ARFGEF1: variants seen among roughly 807,000 people sequenced by gnomAD.
The protein encoded by ARFGEF1 is ARF guanine nucleotide exchange factor 1, also known as brefeldin A-inhibited guanine nucleotide-exchange protein 1.
ARFGEF1 carries 42 observed loss-of-function variants against 231.0 expected under a neutral mutation model. The observed-to-expected ratio is 0.18, with a 90% CI of 0.14 to 0.24. The LOEUF (loss-of-function observed/expected upper bound fraction) is 0.24. Ranked by LOEUF, ARFGEF1 falls within the 10% of genes least tolerant of loss-of-function variation. The probability of loss-of-function intolerance (pLI) is 1.00; values close to 1 mark genes in which losing one functional copy is unlikely to be tolerated. For synonymous variants in ARFGEF1, 710 were observed against 732.3 expected, an observed-to-expected ratio of 0.97 and a Z score of 0.49; for missense variants, 1,345 against 2,192.0, an observed-to-expected ratio of 0.61 and a Z score of 7.72.
chr8:67,280,352 G>A (rs1340071809), intron 7 of ARFGEF1, among the ~76,000 whole-genome samples: 2 of 152,186 alleles, frequency 1.3e-5, no homozygotes, highest in Non-Finnish European at 2.9e-5. Flanking sequence ...TAGATTATTT[G>A]TTTAGTAGGT....
At chr8:67,272,457 C>T (rs561646278) in intron 9 of ARFGEF1, among the ~76,000 whole-genome samples, 105 of 151,988 alleles carry the variant, frequency 6.9e-4, no homozygotes, top group South Asian at 1.9e-3. Flanking sequence ...TGAGCCACCG[C>T]GCCTGGCCCA....
chr8:67,265,536 A>G (rs1254913836), intron 14 of ARFGEF1, among the ~76,000 whole-genome samples: 1 of 152,208 alleles, frequency 6.6e-6, no homozygotes, highest in Non-Finnish European at 1.5e-5. Flanking sequence ...GATCCGGTAC[A>G]CTAGCCAGGC....
At position 67,188,810 on chromosome 8, in the gene ARFGEF1, G is replaced by T. The variant is rs1266476873; in HGVS notation, c.560+11586C>A. On this transcript the variant is annotated intron_variant, in intron 5 of 5. Coordinates refer to the ARFGEF1 transcript ENST00000518789. The stretch of plus-strand genomic sequence containing the variant: ...CTTGCCATTGTTCCTGCACGGCTAA[G>T]TGCCCGGGTTTGTCCTAATCGAGCT... Among the ~76,000 whole-genome samples, 3 of 152,318 alleles carry T rather than the reference G, an allele frequency of 2.0e-5. No individual in the cohort carries two copies. The East Asian group carries it at 5.8e-4, about 29-fold the overall frequency.
intron 14 of ARFGEF1, among the ~76,000 whole-genome samples, chr8:67,261,272 G>A (rs1804609620): frequency 6.6e-6 from 1 of 152,234 alleles, no homozygotes; most frequent in South Asian, 2.1e-4. Flanking sequence ...TTCATAGCAA[G>A]GGAGGAGAAG....
chr8:67,190,614 T>C (rs1207422336), intron 5 of ARFGEF1: 1 of 1,473,264 alleles, frequency 6.8e-7, no homozygotes, highest in African/African-American at 1.4e-5. Flanking sequence ...TTTGAAGCAG[T>C]ATTAAGACTC....
chr8:67,285,219 T>G (rs1805703172), intron 7 of ARFGEF1, among the ~76,000 whole-genome samples: 1 of 151,810 alleles, frequency 6.6e-6, no homozygotes, highest in Admixed American at 6.6e-5. Context: ...CATCAATGGG[T>G]GCTAAAACCA....
chr8:67,175,221 C>T, downstream of ARFGEF1: 1 of 1,077,564 alleles, frequency 9.3e-7, no homozygotes, highest in Non-Finnish European at 1.4e-6. Context: ...ACTCATGTTA[C>T]TTACAGTGAA....
At chr8:67,292,817 T>C (rs1005101822) in intron 5 of ARFGEF1, among the ~76,000 whole-genome samples, 6 of 152,150 alleles carry the variant, frequency 3.9e-5, no homozygotes, top group Non-Finnish European at 8.8e-5. Context: ...ACACATCTCT[T>C]TTGGTCCTCA....
chr8:67,273,201 G>C (rs924411039), intron 9 of ARFGEF1, among the ~76,000 whole-genome samples: 1 of 152,012 alleles, frequency 6.6e-6, no homozygotes, highest in Admixed American at 6.6e-5. Context: ...TGAAAAAGTA[G>C]TTTTTGGCTT....
At chr8:67,339,795 CGGGG>C (rs746222432) in intron 1 of ARFGEF1, among the ~76,000 whole-genome samples, 188 of 14,274 alleles carry the variant, frequency 0.013, 64 homozygotes, top group Middle Eastern at 0.045. Flanking sequence ...CAGTGTGGGG[CGGGG>C]GGGGGGATTC....
At chr8:67,223,186 T>C (rs1464496939) in intron 29 of ARFGEF1, among the ~76,000 whole-genome samples, 1 of 152,178 alleles carries the variant, frequency 6.6e-6, no homozygotes, top group African/African-American at 2.4e-5. Context: ...TTCTACACAG[T>C]GTTATACCAA....
intron 5 of ARFGEF1, among the ~76,000 whole-genome samples, chr8:67,192,040 T>A (rs919647915): frequency 2.0e-5 from 3 of 151,964 alleles, no homozygotes; most frequent in Non-Finnish European, 4.4e-5. Flanking sequence ...TTAGGAGATA[T>A]GTCTATTCAA....
chr8:67,318,462 G>C (rs1807429170), intron 1 of ARFGEF1, among the ~76,000 whole-genome samples: 1 of 151,962 alleles, frequency 6.6e-6, no homozygotes, highest in African/African-American at 2.4e-5. Context: ...GAACATCCCA[G>C]ACAGTGTAAA....
intron 5 of ARFGEF1, among the ~76,000 whole-genome samples, chr8:67,191,630 C>G (rs971584005): frequency 1.3e-5 from 2 of 152,168 alleles, no homozygotes; most frequent in African/African-American, 4.8e-5. Context: ...GAATAATTTT[C>G]CACTGTATTA....
intron 1 of ARFGEF1, among the ~76,000 whole-genome samples, chr8:67,313,493 C>G (rs1462509197): frequency 2.6e-5 from 4 of 152,190 alleles, no homozygotes; most frequent in African/African-American, 7.2e-5. Flanking sequence ...ATGCAGTACT[C>G]TCCCCCTTTT....
At chr8:67,180,220 TA>T (rs1296141457) in intron 5 of ARFGEF1, among the ~76,000 whole-genome samples, 3 of 152,110 alleles carry the variant, frequency 2.0e-5, no homozygotes, top group South Asian at 2.1e-4. Flanking sequence ...GATGAATGGT[TA>T]AAAAAACTCT....
chr8:67,190,946 C>G (rs1006791609), intron 5 of ARFGEF1, among the ~76,000 whole-genome samples: 5 of 152,136 alleles, frequency 3.3e-5, no homozygotes, highest in African/African-American at 1.2e-4. Context: ...TTGGCTTCTT[C>G]CAGATAATAA....
Position 67,262,890 on chromosome 8 carries a change from C to A in ARFGEF1, c.2124-2964G>T, listed in dbSNP as rs143709525. Among the ~76,000 whole-genome samples the A allele has an allele frequency of 2.6e-4, 40 of 152,278 alleles. No individual in the cohort carries two copies. In the East Asian group the frequency reaches 7.7e-3, roughly 29 times the overall value. On this transcript the variant is annotated intron_variant, in intron 14 of 38. Transcript: ENST00000262215. ...ACAGTATAAACATAACTTTAATGCA[C>A]TGAGAAATCAAAAAAATGGTGTGAC...
chr8:67,179,122 G>A (rs1377215573), intron 5 of ARFGEF1, among the ~76,000 whole-genome samples: 2 of 152,166 alleles, frequency 1.3e-5, no homozygotes, highest in Non-Finnish European at 2.9e-5. Context: ...GTGCAGGGAG[G>A]TGGAGTTGGA....
Sources: gnomAD v4.1 joint callset for allele counts (sites outside exome capture counted in the v4.1 genomes callset) on GRCh38, gnomAD v4.1.1 for gene constraint, MANE v1.5 for transcripts, NCBI Gene and HGNC (gene_info 2026-07-23, HGNC 2026-07-21) for gene names.